The following CFAP46 variants were observed in gnomAD, a reference collection of about 807,000 sequenced individuals.
CFAP46 encodes cilia and flagella associated protein 46, also known as cilia- and flagella-associated protein 46.
In CFAP46, 245 loss-of-function variants were observed where a neutral mutation model predicts 325.7. That is an observed-to-expected ratio of 0.75 (90% CI 0.68 to 0.84). The LOEUF is 0.84. CFAP46 is among the 40% of genes least tolerant of loss of function. The pLI is 0.00. For missense variants in CFAP46, 3,346 were observed against 3,543.0 expected (o/e 0.94, Z 1.41); for synonymous variants, 1,523 against 1,495.9 (o/e 1.02, Z -0.42).
At position 132,860,834 on chromosome 10, in the gene CFAP46, A is replaced by C; in HGVS notation, c.5039T>G (p.Leu1680Arg). Residue 1680 changes from leucine to arginine, a missense_variant, in exon 36 of 58, where the codon CTG (leucine) becomes CGG (arginine). By Grantham distance (102) the Leu-to-Arg change is moderately radical. Transcript: ENST00000368586. The part of the protein sequence containing the change: ...GSEEFWYNST[L>R]TLAEALLSME... The stretch of plus-strand genomic sequence containing the variant: ...GGACAAGAGCGCCTCTGCCAGGGTC[A>C]GAGTGGAATTGTACCAGAACTCCTC... The C allele has an allele frequency of 6.4e-7, 1 of 1,551,104 alleles. No individual in the cohort carries two copies. The highest frequency in any genetic ancestry group is 1.4e-5 in the African/African-American group (1 of 73,184).
chr10:132,852,426 C>T (rs1455792697), intron 39 of CFAP46, among the ~76,000 whole-genome samples: 574 of 123,692 alleles, frequency 4.6e-3, no homozygotes, highest in African/African-American at 0.016. Flanking sequence ...CCTCCATTTA[C>T]TTAGGAATTC....
chr10:132,835,467 C>T (rs1348318624), intron 46 of CFAP46, 33 bp from the exon 47 acceptor site: 4 of 1,612,262 alleles, frequency 2.5e-6, no homozygotes, highest in Non-Finnish European at 3.4e-6. Flanking sequence ...TCTGTCGCTG[C>T]CCAGGGCTGA....
chr10:132,811,607 T>C lies in CFAP46; in HGVS notation c.7502-576A>G, dbSNP rs1847583059. Among the ~76,000 whole-genome samples, 2 of 152,174 alleles carry C rather than the reference T, an allele frequency of 1.3e-5. 1 individual carries two copies. The highest frequency in any genetic ancestry group is 4.1e-4 in the South Asian group (2 of 4,832). ...AGGGCAACCCTGGGCGCTGCCCACT[T>C]CCACTCGCAGCCTGGCCGTTCCCGC... On this transcript the variant is annotated intron_variant, in intron 55 of 57. Coordinates refer to ENST00000368586, the MANE Select transcript of CFAP46 (RefSeq NM_001200049.3).
chr10:132,834,177 G>A, intron 48 of CFAP46, 54 bp from the exon 49 acceptor site: 1 of 1,519,248 alleles, frequency 6.6e-7, no homozygotes, highest in Non-Finnish European at 9.1e-7. Context: ...CAAACGCTTG[G>A]AATATAGGCG....
intron 23 of CFAP46, 140 bp downstream of exon 23, chr10:132,899,395 A>ACTGGC (rs1849362979): frequency 1.6e-6 from 2 of 1,235,546 alleles, no homozygotes; most frequent in Non-Finnish European, 2.2e-6. Flanking sequence ...TGTGCCCTGA[A>ACTGGC]CTGGCCGCAC....
intron 52 of CFAP46, 29 bp downstream of exon 52, chr10:132,814,657 G>C (rs1278435007): frequency 1.9e-6 from 3 of 1,582,924 alleles, no homozygotes; most frequent in Non-Finnish European, 2.6e-6. Context: ...GCGGGGTCTG[G>C]GGCCCCCCCG....
intron 9 of CFAP46, chr10:132,929,360 GC>G (rs1849856218): frequency 1.6e-6 from 1 of 628,272 alleles, no homozygotes; most frequent in African/African-American, 1.8e-5. Flanking sequence ...ACGAGGCACT[GC>G]CGGTGTGATT....
rs1049772050 is a variant in CFAP46 at position 132,886,858 on chromosome 10, C to T, written c.3305-899G>A. Among the ~76,000 whole-genome samples, 1 of 152,000 alleles carries T rather than the reference C, an allele frequency of 6.6e-6. No individual in the cohort carries two copies. The highest frequency in any genetic ancestry group is 2.4e-5 in the African/African-American group (1 of 41,336). On this transcript the variant is annotated intron_variant, in intron 25 of 57. Coordinates refer to ENST00000368586, the MANE Select transcript of CFAP46 (RefSeq NM_001200049.3). This position sits in a 1 kb window ranked among gnomAD's most constrained non-coding sequence, Gnocchi z 5.8. ...TGCCCCCGACCCAACACAGCCATGGCGACTAGAATGCTGACGCGTCCCCTC... is the reference window on the plus strand; with the variant it reads ...TGCCCCCGACCCAACACAGCCATGGTGACTAGAATGCTGACGCGTCCCCTC...
chr10:132,869,256 G>A lies in CFAP46; in HGVS notation c.4610+18C>T, dbSNP rs1340449104. 1.3e-6 allele frequency: 2 copies of A among 1,512,522 alleles called. No homozygotes were observed. The highest frequency in any genetic ancestry group is 8.9e-7 in the Non-Finnish European group (1 of 1,126,552). 93.7% of individuals were successfully genotyped at this position (1,512,522 alleles called of 1,614,324 possible). On this transcript the variant is annotated intron_variant, in intron 33 of 57. Coordinates refer to ENST00000368586, the MANE Select transcript of CFAP46 (RefSeq NM_001200049.3). The surrounding 1 kb of genome is among the most constrained non-coding windows in gnomAD (Gnocchi z 6.2). ...CGAGACTCAAACCCCAGGCGGCGCA[G>A]GGTGGGACGGCACACACCTGGCCTG...
rs1484029223 is a variant in CFAP46 at position 132,857,750 on chromosome 10, GT to G, written c.5413del (p.Thr1805LeufsTer15). Reference protein sequence around the residue: ...AQNEKDEEQKTAYYLEAYGLA... With the variant: ...AQNEKDEEQKXAYYLEAYGLA... ...GCCATACGCTTCCAAGTAATACGCAGTTTTTTGTTCTTCATCTTTCTCGTTC... is the reference window on the plus strand; with the variant it reads ...GCCATACGCTTCCAAGTAATACGCAGTTTTTGTTCTTCATCTTTCTCGTTC... On this transcript the variant is annotated frameshift_variant, in exon 39 of 58. Transcript: ENST00000368586. LOFTEE classifies it high-confidence loss of function. 2 of 1,587,176 alleles carry G rather than the reference GT, an allele frequency of 1.3e-6. No individual in the cohort carries two copies. Among genetic ancestry groups the G allele is most frequent in the Non-Finnish European group, 1.7e-6 (2 of 1,167,966 alleles).
intron 7 of CFAP46, among the ~76,000 whole-genome samples, chr10:132,936,572 ACTCCCCTCTGCCCCCAAATACACTG>A: frequency 2.4e-5 from 2 of 82,032 alleles, no homozygotes; most frequent in East Asian, 3.2e-4. Flanking sequence ...TGATCTCCTC[ACTCCCCTCTGCCCCCAAATACACTG>A]TGATCTCCTC....
Position 132,822,802 on chromosome 10 carries a change from CTGA to C in CFAP46, c.7118-7891_7118-7889del, listed in dbSNP as rs1176683559. On this transcript the variant is annotated intron_variant, in intron 50 of 57. Transcript: ENST00000368586. Reference sequence around the variant, plus strand: ...TGCACTTGTGTGTGCTGTGTGTGTGCTGATGTGTGCTGTGTGCTGTGTGTGCTG... The same window carrying C: ...TGCACTTGTGTGTGCTGTGTGTGTGCTGTGTGCTGTGTGCTGTGTGTGCTG... Among the ~76,000 whole-genome samples the C allele has an allele frequency of 2.5e-3, 139 of 54,512 alleles. No individual in the cohort carries two copies. The South Asian group carries it at 0.042, about 17-fold the overall frequency. 35.8% of individuals were successfully genotyped at this position (54,512 alleles called of 152,430 possible).
rs773475367 is a variant in CFAP46 at position 132,808,793 on chromosome 10, T to A, written c.7776A>T (p.Val2592=). The part of the protein sequence containing the change: ...PVWAAAPSHR[V]VQAWTCLPSA... ...ATGGGAGGCAGGTCCAGGCCTGCAC[T>A]ACCCGATGGCTTGGTGCGGCAGCCC... Residue 2592 remains valine (V), a synonymous_variant, in exon 58 of 58, where the codon GTA becomes GTT. Coordinates refer to ENST00000368586, the MANE Select transcript of CFAP46 (RefSeq NM_001200049.3). The surrounding 1 kb of genome is among the most constrained non-coding windows in gnomAD (Gnocchi z 6.8). 1.2e-6 allele frequency: 2 copies of A among 1,603,428 alleles called. No individual in the cohort carries two copies. Among genetic ancestry groups the A allele is most frequent in the Non-Finnish European group, 1.7e-6 (2 of 1,175,454 alleles).
chr10:132,942,099 C>T lies in CFAP46; in HGVS notation c.55G>A (p.Ala19Thr). The change falls in exon 2 of 58, where the codon GCG (alanine) becomes ACG (threonine). Residue 19 changes from alanine to threonine, a missense_variant. Coordinates refer to ENST00000368586, the MANE Select transcript of CFAP46 (RefSeq NM_001200049.3). ...LARAESQQDA[A>T]SLKKAYELIK... ...AACTCGTAGGCCTTCTTCAAGGACG[C>T]AGCATCTGTCCCAAACGGGTGGTTG... 1 of 1,551,648 alleles carries T rather than the reference C, an allele frequency of 6.4e-7. No individual in the cohort carries two copies. Among genetic ancestry groups the T allele is most frequent in the Non-Finnish European group, 8.7e-7 (1 of 1,146,972 alleles).
At chr10:132,915,331 G>A (rs990991445) in intron 17 of CFAP46, among the ~76,000 whole-genome samples, 21 of 152,244 alleles carry the variant, frequency 1.4e-4, no homozygotes, top group African/African-American at 4.8e-4. Flanking sequence ...GAGGGCTGGA[G>A]GCCCGGGGTG....
intron 50 of CFAP46, among the ~76,000 whole-genome samples, chr10:132,816,385 G>A (rs1490453445): frequency 6.9e-5 from 10 of 145,446 alleles, no homozygotes; most frequent in African/African-American, 2.6e-4. Context: ...AGGCTGGAGT[G>A]CAGTGGCGCG....
In CFAP46 at chr10:132,847,382, G is replaced by A; in HGVS notation, c.5953-61C>T. On this transcript the variant is annotated intron_variant, in intron 41 of 57. Coordinates refer to ENST00000368586, the MANE Select transcript of CFAP46 (RefSeq NM_001200049.3). This position sits in a 1 kb window ranked among gnomAD's most constrained non-coding sequence, Gnocchi z 5.2. ...GGTTCCTGCTTGGTCGGCGTGGGGAGGGCCCACCCAGGGAGGCCGGGGTGG... is the reference window on the plus strand; with the variant it reads ...GGTTCCTGCTTGGTCGGCGTGGGGAAGGCCCACCCAGGGAGGCCGGGGTGG... 1 of 1,597,518 alleles carries A rather than the reference G, an allele frequency of 6.3e-7. No homozygotes were observed. The highest frequency in any genetic ancestry group is 1.1e-5 in the South Asian group (1 of 89,484).
At chr10:132,928,165 C>T (rs1421905467) in intron 9 of CFAP46, among the ~76,000 whole-genome samples, 1 of 152,218 alleles carries the variant, frequency 6.6e-6, no homozygotes, top group African/African-American at 2.4e-5. Context: ...AGTTCCACAG[C>T]AGCCCTTGGA....
chr10:132,821,869 C>CTGTGTGTGCTGA (rs1847844819), intron 50 of CFAP46, among the ~76,000 whole-genome samples: 8 of 131,916 alleles, frequency 6.1e-5, no homozygotes, highest in African/African-American at 2.1e-4. Context: ...GCTGTGTGTG[C>CTGTGTGTGCTGA]TGTGTGCTGT....
Sources: gnomAD v4.1 joint callset for allele counts (sites outside exome capture counted in the v4.1 genomes callset) on GRCh38, gnomAD v4.1.1 for gene constraint, Gnocchi (gnomAD v3.1) non-coding constraint, MANE v1.5 for transcripts, NCBI Gene and HGNC (gene_info 2026-07-23, HGNC 2026-07-21) for gene names.